Variants in MEGF6 observed in about 807,000 individuals in gnomAD.
MEGF6 encodes multiple epidermal growth factor-like domains protein 6.
A neutral mutation model predicts 207.1 loss-of-function variants in MEGF6; 184 were observed. The ratio of observed to expected loss-of-function variants is 0.89; its 90% CI spans 0.79 to 1.00. MEGF6 has a LOEUF of 1.00. Ranked by LOEUF, MEGF6 falls within the 50% of genes least tolerant of loss-of-function variation. MEGF6 has a pLI of 0.00. For synonymous variants in MEGF6, 1,038 were observed against 910.0 expected (o/e 1.14, Z -2.53); for missense variants, 2,282 against 2,202.9 (o/e 1.04, Z -0.72).
At position 3,500,718 on chromosome 1, in the gene MEGF6, G is replaced by C. The variant is rs769752757; in HGVS notation, c.2622C>G (p.Asn874Lys). The change falls in exon 21 of 37, where the codon AAC becomes AAG. Residue 874 changes from asparagine (N) to lysine (K), a missense_variant. Coordinates refer to ENST00000356575, the MANE Select transcript of MEGF6 (RefSeq NM_001409.4). ...CACAGCTCCCGTGGCCAGCGCTGCA[G>C]TTGCAGGGGTGGCTGCAGTCAGGTC... The part of the protein sequence containing the change: ...HWGPDCSHPC[N>K]CSAGHGSCDA... 1.3e-6 allele frequency: 2 copies of C among 1,597,382 alleles called. No individual in the cohort carries two copies. The highest frequency in any genetic ancestry group is 4.6e-5 in the East Asian group (2 of 43,926).
chr1:3,621,551 G>GA, the MEGF6 span, among the ~76,000 whole-genome samples: 1 of 152,208 alleles, frequency 6.6e-6, no homozygotes, highest in Non-Finnish European at 1.5e-5. Context: ...TCTAGATCTA[G>GA]TATAACTCTT....
At chr1:3,596,575 G>A (rs563970603) in intron 2 of MEGF6, among the ~76,000 whole-genome samples, 2 of 85,198 alleles carry the variant, frequency 2.3e-5, no homozygotes, top group African/African-American at 9.3e-5. Context: ...GGCACCCCGC[G>A]CCATCCCCTG....
chr1:3,622,334 G>T, the MEGF6 span, among the ~76,000 whole-genome samples: 1 of 152,116 alleles, frequency 6.6e-6, no homozygotes, highest in African/African-American at 2.4e-5. Context: ...TACCCCCGCC[G>T]CCATGTAAGA....
At chr1:3,513,205 GTTTA>G (rs373887857) in intron 7 of MEGF6, among the ~76,000 whole-genome samples, 11 of 151,826 alleles carry the variant, frequency 7.2e-5, no homozygotes, top group Non-Finnish European at 1.2e-4. Flanking sequence ...TATTTTACTT[GTTTA>G]TTTATTTATT....
At chr1:3,511,745 C>T (rs1345895399) in intron 8 of MEGF6, 58 bp from the exon 9 acceptor site, 4 of 1,567,626 alleles carry the variant, frequency 2.6e-6, no homozygotes, top group Non-Finnish European at 3.5e-6. Context: ...CCCCCACCTA[C>T]CTTAGTTACC....
At chr1:3,549,492 G>A (rs1017610244) in intron 4 of MEGF6, among the ~76,000 whole-genome samples, 7 of 152,232 alleles carry the variant, frequency 4.6e-5, no homozygotes. Flanking sequence ...CAGTCTAGGC[G>A]AGAAGATGGG....
chr1:3,508,634 C>G lies in MEGF6; in HGVS notation c.1584G>C (p.Arg528Ser). ...HDCSLTCDDC[R>S]NGGTCLLGLD... ...GGCCCAGGAGGCAGGTCCCTCCGTT[C>G]CTGCAGTCATCACAGGTCAAGCTGC... is the stretch of plus-strand genomic sequence containing the variant. Residue 528 changes from arginine (R) to serine (S), a missense_variant, in exon 13 of 37, where the codon AGG becomes AGC. By Grantham distance (110) the Arg-to-Ser change is moderately radical. Transcript: ENST00000356575. 6.2e-7 allele frequency: 1 copy of G among 1,613,578 alleles called. No homozygotes were observed. The highest frequency in any genetic ancestry group is 8.5e-7 in the Non-Finnish European group (1 of 1,179,984).
chr1:3,593,567 C>T, intron 3 of MEGF6, among the ~76,000 whole-genome samples: 1 of 151,676 alleles, frequency 6.6e-6, no homozygotes, highest in African/African-American at 2.4e-5. Flanking sequence ...CTCGGGCTGG[C>T]AGCCCCACTT....
At chr1:3,505,388 G>GCCCCCCC in intron 16 of MEGF6, 34 bp downstream of exon 16, 1 of 1,573,954 alleles carries the variant, frequency 6.4e-7, no homozygotes, top group Non-Finnish European at 8.6e-7. Flanking sequence ...CGACCCTGGC[G>GCCCCCCC]CCCCCCGCCC....
At chr1:3,554,424 C>T (rs954367059) in intron 4 of MEGF6, among the ~76,000 whole-genome samples, 12 of 152,022 alleles carry the variant, frequency 7.9e-5, no homozygotes, top group Admixed American at 2.6e-4. Flanking sequence ...GAGGGGAGGG[C>T]GGCTTCAGCC....
At chr1:3,601,107 C>T (rs1027262123) in intron 2 of MEGF6, among the ~76,000 whole-genome samples, 1 of 152,204 alleles carries the variant, frequency 6.6e-6, no homozygotes, top group Non-Finnish European at 1.5e-5. Flanking sequence ...CCCGGCACAT[C>T]GGCAATGCTG....
At position 3,611,129 on chromosome 1, in the gene MEGF6, G is replaced by C; in HGVS notation, c.131+9C>G. On this transcript the variant is annotated intron_variant, in intron 1 of 36. Coordinates refer to ENST00000356575, the MANE Select transcript of MEGF6 (RefSeq NM_001409.4). ...GACCGGCCGAGCCCTCCCAGCTCCT[G>C]CTACTCACATGCCGGGCTGCAGCGG... 1.3e-6 allele frequency: 2 copies of C among 1,506,246 alleles called. No homozygotes were observed. Among genetic ancestry groups the C allele is most frequent in the Non-Finnish European group, 1.8e-6 (2 of 1,136,286 alleles). 93.3% of individuals were successfully genotyped at this position (1,506,246 alleles called of 1,614,324 possible).
chr1:3,493,948 C>T (rs369484907), intron 33 of MEGF6, 48 bp downstream of exon 33: 74 of 1,581,316 alleles, frequency 4.7e-5, no homozygotes, highest in South Asian at 3.5e-4. Flanking sequence ...TGCACCCAGA[C>T]GGGACGGGGC....
At chr1:3,531,427 C>A (rs1642167312) in intron 4 of MEGF6, 1 of 1,124,572 alleles carries the variant, frequency 8.9e-7, no homozygotes, top group Non-Finnish European at 1.1e-6. Flanking sequence ...GGGCGCGCCC[C>A]GCCCCTCGCC....
At chr1:3,555,185 C>A (rs1037372350) in intron 4 of MEGF6, among the ~76,000 whole-genome samples, 31 of 143,810 alleles carry the variant, frequency 2.2e-4, no homozygotes, top group African/African-American at 7.7e-4. Flanking sequence ...CCACCCAGGG[C>A]TATGGATCAG....
chr1:3,533,932 G>A (rs942853929), intron 4 of MEGF6, among the ~76,000 whole-genome samples: 13 of 152,322 alleles, frequency 8.5e-5, no homozygotes, highest in African/African-American at 3.1e-4. Context: ...GTCTTGGGAG[G>A]AGGAAGAAGC....
intron 3 of MEGF6, among the ~76,000 whole-genome samples, chr1:3,582,074 C>T (rs534404159): frequency 2.0e-4 from 30 of 152,354 alleles, no homozygotes; most frequent in African/African-American, 4.8e-4. Context: ...CTGACTCTGC[C>T]GGCGGAGAGG....
intron 17 of MEGF6, among the ~76,000 whole-genome samples, chr1:3,504,749 AG>A (rs1232021652): frequency 6.6e-6 from 1 of 152,156 alleles, no homozygotes; most frequent in Non-Finnish European, 1.5e-5. Context: ...ATCCACGTGC[AG>A]GGGCCTGCAG....
chr1:3,535,448 G>A (rs554611607), intron 4 of MEGF6, among the ~76,000 whole-genome samples: 1 of 152,112 alleles, frequency 6.6e-6, no homozygotes, highest in East Asian at 1.9e-4. Context: ...CCAGAAGGCT[G>A]CCCCTCTCCA....
Sources: gnomAD v4.1 joint callset for allele counts (sites outside exome capture counted in the v4.1 genomes callset) on GRCh38, gnomAD v4.1.1 for gene constraint, MANE v1.5 for transcripts, NCBI Gene and HGNC (gene_info 2026-07-23, HGNC 2026-07-21) for gene names.